GRB10: variants seen among roughly 807,000 people sequenced by gnomAD.
GRB10 encodes growth factor receptor-bound protein 10.
GRB10 carries 20 observed loss-of-function variants against 80.9 expected under a neutral mutation model. That is an observed-to-expected ratio of 0.25 (90% CI 0.17 to 0.36). The LOEUF (loss-of-function observed/expected upper bound fraction) is 0.36. Among genes scored for constraint, GRB10 ranks in the 10% least tolerant of loss-of-function variants. The pLI, the probability that GRB10 is intolerant of heterozygous loss-of-function variation, is 1.00. For missense variants in GRB10, 548 were observed against 747.7 expected, an observed-to-expected ratio of 0.73 and a Z score of 3.12; for synonymous variants, 291 against 291.5, an observed-to-expected ratio of 1.00 and a Z score of 0.02.
chr7:50,762,912 T>C (rs1233093854), intron 2 of GRB10, among the ~76,000 whole-genome samples: 1 of 152,076 alleles, frequency 6.6e-6, no homozygotes, highest in East Asian at 1.9e-4. Context: ...GGTCAGGAGA[T>C]GGAGACGATC....
intron 7 of GRB10, among the ~76,000 whole-genome samples, chr7:50,648,915 A>G (rs2057627158): frequency 6.6e-6 from 1 of 152,182 alleles, no homozygotes; most frequent in African/African-American, 2.4e-5. Context: ...TGGTCGGGCT[A>G]GCTCCTGATG....
Position 50,612,507 on chromosome 7 carries a change from T to C in GRB10, c.1194+234A>G, listed in dbSNP as rs181552304. Reference sequence around the variant, plus strand: ...ACAAAGAATTATTCTACCCAAAATGTCAGTAGTACTGAGTCCGGAAAACCT... The same window carrying C: ...ACAAAGAATTATTCTACCCAAAATGCCAGTAGTACTGAGTCCGGAAAACCT... On this transcript the variant is annotated intron_variant, in intron 13 of 18. Coordinates refer to ENST00000401949, the MANE Select transcript of GRB10 (RefSeq NM_001350814.2). Among the ~76,000 whole-genome samples, 131 of 152,292 alleles carry C rather than the reference T, an allele frequency of 8.6e-4. 1 individual carries two copies. Among genetic ancestry groups the C allele is most frequent in the African/African-American group, 3.0e-3 (126 of 41,554 alleles).
chr7:50,606,280 C>T (rs1266659202), intron 14 of GRB10, 57 bp downstream of exon 14: 3 of 1,339,438 alleles, frequency 2.2e-6, no homozygotes, highest in Non-Finnish European at 3.2e-6. Context: ...GTCCTTAACA[C>T]ATGTGATGCA....
At chr7:50,639,003 T>C (rs775665378) in intron 7 of GRB10, among the ~76,000 whole-genome samples, 1 of 152,192 alleles carries the variant, frequency 6.6e-6, no homozygotes, top group African/African-American at 2.4e-5. Flanking sequence ...AAGCAAATAC[T>C]ACATATTATC....
intron 7 of GRB10, among the ~76,000 whole-genome samples, chr7:50,653,687 G>A (rs899199553): frequency 6.6e-6 from 1 of 152,186 alleles, no homozygotes; most frequent in Non-Finnish European, 1.5e-5. Context: ...GCCTCCCCGG[G>A]CTGGTGAAAC....
chr7:50,669,677 T>C (rs1468141628), intron 7 of GRB10, 45 bp downstream of exon 7: 1 of 1,583,294 alleles, frequency 6.3e-7, no homozygotes, highest in South Asian at 1.1e-5. Context: ...ATCCCAATAA[T>C]CTGGCATATC....
chr7:50,745,031 C>T (rs959605882), intron 3 of GRB10, among the ~76,000 whole-genome samples: 1 of 152,062 alleles, frequency 6.6e-6, no homozygotes, highest in African/African-American at 2.4e-5. Context: ...TAGTCTTCTA[C>T]ATATATTTTA....
intron 4 of GRB10, among the ~76,000 whole-genome samples, chr7:50,706,974 G>A (rs573814877): frequency 6.6e-6 from 1 of 152,222 alleles, no homozygotes; most frequent in Non-Finnish European, 1.5e-5. Flanking sequence ...TTTTTACGCA[G>A]TAGGCAAGTA....
intron 4 of GRB10, among the ~76,000 whole-genome samples, chr7:50,714,725 C>A (rs1289614212): frequency 6.6e-6 from 1 of 151,836 alleles, no homozygotes; most frequent in African/African-American, 2.4e-5. Flanking sequence ...GTGGGGTGCA[C>A]AAAGCCATTG....
intron 8 of GRB10, among the ~76,000 whole-genome samples, chr7:50,622,268 A>G (rs1215276022): frequency 6.6e-6 from 1 of 152,188 alleles, no homozygotes; most frequent in East Asian, 1.9e-4. Context: ...CAAAAGGGAG[A>G]GAGGGACATA....
intron 1 of GRB10, chr7:50,792,542 A>T (rs2078971430): frequency 2.5e-6 from 1 of 398,452 alleles, no homozygotes; most frequent in African/African-American, 2.1e-5. Flanking sequence ...TTCCTTCTGC[A>T]AACGGTACCG....
intron 4 of GRB10, among the ~76,000 whole-genome samples, chr7:50,721,552 C>T (rs752888742): frequency 2.0e-5 from 3 of 152,220 alleles, no homozygotes; most frequent in Non-Finnish European, 4.4e-5. Context: ...GCCCACCCCA[C>T]CTGCTACCAC....
At chr7:50,624,610 G>T (rs2052537431) in intron 8 of GRB10, among the ~76,000 whole-genome samples, 1 of 152,208 alleles carries the variant, frequency 6.6e-6, no homozygotes, top group Non-Finnish European at 1.5e-5. Flanking sequence ...ATGAGTCCTG[G>T]GGGTACTGAC....
chr7:50,592,053 T>C lies in GRB10; in HGVS notation c.*899A>G, dbSNP rs2045901538. On this transcript the variant is annotated 3_prime_UTR_variant, in exon 19 of 19. Coordinates refer to ENST00000401949, the MANE Select transcript of GRB10 (RefSeq NM_001350814.2). ...GCAAGGCTGAAGTACCCAGGTGGAT[T>C]ATGCAGCATCCACCGCTGGCCGATG... 6.6e-6 allele frequency: 1 copy of C among 152,230 alleles called. No homozygotes were observed. The allele number at this position is 152,230 out of a possible 1,614,324, so 9.4% of individuals were successfully genotyped here.
chr7:50,653,834 G>C (rs930638839), intron 7 of GRB10, among the ~76,000 whole-genome samples: 2 of 152,176 alleles, frequency 1.3e-5, no homozygotes, highest in Non-Finnish European at 2.9e-5. Flanking sequence ...GATCAAAAAG[G>C]GACCTCTGAA....
chr7:50,752,467 G>A (rs991919115), intron 3 of GRB10, among the ~76,000 whole-genome samples: 3 of 152,210 alleles, frequency 2.0e-5, no homozygotes, highest in African/African-American at 7.2e-5. Flanking sequence ...ACCATTCTTG[G>A]TTAGTTTCTG....
chr7:50,667,481 G>A (rs767713247), intron 7 of GRB10, among the ~76,000 whole-genome samples: 18 of 152,132 alleles, frequency 1.2e-4, no homozygotes, highest in Non-Finnish European at 2.4e-4. Flanking sequence ...CAAGGGGCAA[G>A]GAATGGAGCC....
intron 4 of GRB10, among the ~76,000 whole-genome samples, chr7:50,708,928 C>T (rs2153672620): frequency 6.6e-6 from 1 of 152,282 alleles, no homozygotes; most frequent in African/African-American, 2.4e-5. Context: ...TCTGCCTTGG[C>T]CTCCCAAAGT....
intron 7 of GRB10, among the ~76,000 whole-genome samples, chr7:50,652,489 C>T (rs1490829470): frequency 1.3e-5 from 2 of 152,200 alleles, no homozygotes; most frequent in African/African-American, 4.8e-5. Flanking sequence ...AGAACGCCTT[C>T]CAGGGACTTG....
Sources: gnomAD v4.1 joint callset for allele counts (sites outside exome capture counted in the v4.1 genomes callset) on GRCh38, gnomAD v4.1.1 for gene constraint, MANE v1.5 for transcripts, NCBI Gene and HGNC (gene_info 2026-07-23, HGNC 2026-07-21) for gene names.